Variants in TRMT2B observed in about 807,000 individuals in gnomAD.
TRMT2B encodes tRNA (uracil-5-)-methyltransferase homolog B.
A neutral mutation model predicts 39.7 loss-of-function variants in TRMT2B; 34 were observed. The observed-to-expected ratio is 0.86, with a 90% CI of 0.65 to 1.14. TRMT2B has a LOEUF of 1.14. Among genes scored for constraint, TRMT2B ranks in the 50% most tolerant of loss-of-function variants. The pLI is 0.00. For missense variants in TRMT2B, 318 were observed against 377.2 expected, an observed-to-expected ratio of 0.84 and a Z score of 1.30; for synonymous variants, 132 against 137.3, an observed-to-expected ratio of 0.96 and a Z score of 0.27.
chrX:101,032,428 A>G (rs1291267560), intron 7 of TRMT2B, among the ~76,000 whole-genome samples: 1 of 108,023 alleles, frequency 9.3e-6, no homozygotes, highest in East Asian at 2.9e-4. Context: ...TCTACTAAAA[A>G]TACAAAAAAT....
chrX:100,982,003 C>G, the TRMT2B span, among the ~76,000 whole-genome samples: 1 of 110,080 alleles, frequency 9.1e-6, no homozygotes, highest in Non-Finnish European at 1.9e-5. Flanking sequence ...TTCACTAAAA[C>G]TGTTTTGTCT....
In TRMT2B at chrX:101,017,439, A is replaced by C. The variant is rs146479880; in HGVS notation, c.1388+1532T>G. On this transcript the variant is annotated intron_variant, in intron 13 of 13. Coordinates refer to ENST00000372936, the MANE Select transcript of TRMT2B (RefSeq NM_024917.6). ...TTTCTAGCTCATGACTTGAAAGCTCAAATCACTTCGTTTTTTATACATTGA... is the reference window on the plus strand; with the variant it reads ...TTTCTAGCTCATGACTTGAAAGCTCCAATCACTTCGTTTTTTATACATTGA... 9.0e-3 allele frequency among the ~76,000 whole-genome samples: 999 copies of C among 111,545 alleles called. 5 individuals carry two copies. Among genetic ancestry groups the C allele is most frequent in the African/African-American group, 0.031 (949 of 30,741 alleles).
At chrX:101,023,998 C>A (rs1306667749) in intron 7 of TRMT2B, among the ~76,000 whole-genome samples, 3 of 111,144 alleles carry the variant, frequency 2.7e-5, no homozygotes, top group Non-Finnish European at 5.7e-5. Flanking sequence ...CAGATGCCCA[C>A]CACCAAGCCT....
At position 101,051,253 on chromosome X, in the gene TRMT2B, G is replaced by A. The variant is rs1873610261; in HGVS notation, c.-26C>T. On this transcript the variant is annotated splice_region_variant and 5_prime_UTR_variant, in exon 2 of 14. Transcript: ENST00000372936. ...AGAGACTATGTGGTAGGTCTCACCT[G>A]CGCAGGGCCAAGGATCCCTTTTGGA... The A allele has an allele frequency of 1.3e-6, 1 of 752,568 alleles. No individual in the cohort carries two copies. The allele number at this position is 752,568 out of a possible 1,213,427, so 62.0% of individuals were successfully genotyped here. A position where few individuals can be genotyped will look rare whatever the true frequency, so the allele number is the denominator to read the frequency against.
chrX:100,986,269 T>C, the TRMT2B span, among the ~76,000 whole-genome samples: 1 of 112,071 alleles, frequency 8.9e-6, no homozygotes, highest in South Asian at 3.8e-4. Context: ...TGAAACCTCA[T>C]GATAGCAGAG....
chrX:101,025,506 A>G (rs1005452345), intron 7 of TRMT2B, among the ~76,000 whole-genome samples: 5 of 111,857 alleles, frequency 4.5e-5, no homozygotes, highest in African/African-American at 1.3e-4. Context: ...ACAAACCACA[A>G]ATTATGTAGT....
the TRMT2B span, among the ~76,000 whole-genome samples, chrX:100,976,846 C>T: frequency 8.9e-6 from 1 of 112,577 alleles, no homozygotes; most frequent in Non-Finnish European, 1.9e-5. Flanking sequence ...GATCCACCCG[C>T]CTTGGCCTCC....
chrX:100,983,134 G>A, the TRMT2B span, among the ~76,000 whole-genome samples: 1 of 110,538 alleles, frequency 9.0e-6, no homozygotes, highest in Non-Finnish European at 1.9e-5. Flanking sequence ...GTGTTTATAC[G>A]TTAATAGAGG....
intron 4 of TRMT2B, among the ~76,000 whole-genome samples, chrX:101,039,280 C>A (rs777540969): frequency 3.0e-4 from 33 of 110,267 alleles, no homozygotes; most frequent in Non-Finnish European, 5.3e-4. Flanking sequence ...CCATGTTAGC[C>A]AGGATGGTCT....
At chrX:100,990,238 AATACCCTCCTACC>A in the TRMT2B span, 2 of 611,469 alleles carry the variant, frequency 3.3e-6, no homozygotes, top group Non-Finnish European at 4.0e-6. Context: ...GAAACTGGCC[AATACCCTCCTACC>A]ATGAAATGGT....
intron 2 of TRMT2B, among the ~76,000 whole-genome samples, chrX:101,050,453 G>A (rs1186101097): frequency 1.8e-5 from 2 of 112,488 alleles, no homozygotes; most frequent in Non-Finnish European, 3.8e-5. Context: ...GGCCAGGTGC[G>A]GTGGCTCACG....
At chrX:101,044,419 G>A (rs934553922) in intron 2 of TRMT2B, among the ~76,000 whole-genome samples, 1 of 111,440 alleles carries the variant, frequency 9.0e-6, no homozygotes, top group Non-Finnish European at 1.9e-5. Flanking sequence ...AATACAAGCT[G>A]TAAGATGAAA....
At chrX:101,017,326 G>GT (rs1011048385) in intron 13 of TRMT2B, among the ~76,000 whole-genome samples, 3 of 110,674 alleles carry the variant, frequency 2.7e-5, no homozygotes, top group African/African-American at 9.9e-5. Flanking sequence ...AAATCTACAG[G>GT]TTTTTTTGTT....
chrX:101,012,568 C>T (rs1229875137), intron 13 of TRMT2B, among the ~76,000 whole-genome samples: 8 of 104,888 alleles, frequency 7.6e-5, no homozygotes, highest in Non-Finnish European at 1.2e-4. Context: ...TGAGAATATG[C>T]GGTGTTTGGT....
At chrX:100,989,337 C>T in the TRMT2B span, among the ~76,000 whole-genome samples, 10 of 111,318 alleles carry the variant, frequency 9.0e-5, no homozygotes, top group Non-Finnish European at 1.3e-4. Context: ...TTTGGCCAGG[C>T]GTAGTGGCTC....
the TRMT2B span, among the ~76,000 whole-genome samples, chrX:100,992,907 C>G: frequency 9.0e-6 from 1 of 111,580 alleles, no homozygotes; most frequent in Non-Finnish European, 1.9e-5. Flanking sequence ...ACCATCTCAC[C>G]AAGCAGTATA....
intron 13 of TRMT2B, among the ~76,000 whole-genome samples, chrX:101,013,975 T>A (rs1347608063): frequency 9.1e-6 from 1 of 110,157 alleles, no homozygotes; most frequent in Non-Finnish European, 1.9e-5. Context: ...TAGTCCCAGC[T>A]ACTTAGGAGG....
At position 101,051,651 on chromosome X, in the gene TRMT2B, A is replaced by G. The variant is rs2089106473; in HGVS notation, c.-424T>C. On this transcript the variant is annotated 5_prime_UTR_variant, in exon 2 of 14. Coordinates refer to ENST00000372936, the MANE Select transcript of TRMT2B (RefSeq NM_024917.6). ...CGCTGGGCCGTACACGACCTTGCGC[A>G]GTCACCGTCGGGTCCCGTCTCCAGC... 1.3e-6 allele frequency: 1 copy of G among 754,970 alleles called. No homozygotes were observed. Among genetic ancestry groups the G allele is most frequent in the Non-Finnish European group, 1.6e-6 (1 of 639,550 alleles). The allele number at this position is 754,970 out of a possible 1,213,427, so 62.2% of individuals were successfully genotyped here. A position where few individuals can be genotyped will look rare whatever the true frequency, so the allele number is the denominator to read the frequency against.
chrX:101,038,099 G>A (rs1359520351), intron 4 of TRMT2B, 48 bp from the exon 5 acceptor site: 1 of 1,168,865 alleles, frequency 8.6e-7, no homozygotes, highest in Admixed American at 2.2e-5. Context: ...TGGGCACGGT[G>A]GCTCACGCCT....
Sources: allele counts gnomAD v4.1 joint callset (sites outside exome capture counted in the v4.1 genomes callset), GRCh38; gene constraint gnomAD v4.1.1; transcripts MANE v1.5; gene names NCBI Gene and HGNC (gene_info 2026-07-23, HGNC 2026-07-21).